Variants in EXT2 observed in about 807,000 individuals in gnomAD.
The protein encoded by EXT2 is exostosin glycosyltransferase 2, also known as exostosin-2.
Under a neutral mutation model 81.6 loss-of-function variants are expected in EXT2, and 53 were observed. The ratio of observed to expected loss-of-function variants is 0.65; its 90% CI spans 0.52 to 0.82. EXT2 has a LOEUF of 0.82. Ranked by LOEUF, EXT2 falls within the 40% of genes least tolerant of loss-of-function variation. The probability of loss-of-function intolerance (pLI) is 0.00; values close to 1 mark genes in which losing one functional copy is unlikely to be tolerated. For synonymous variants in EXT2, 320 were observed against 340.0 expected (o/e 0.94, Z 0.65); for missense variants, 774 against 910.2 (o/e 0.85, Z 1.93).
At chr11:44,109,420 C>A in intron 3 of EXT2, 137 bp downstream of exon 3, 2 of 859,804 alleles carry the variant, frequency 2.3e-6, no homozygotes, top group Non-Finnish European at 3.8e-6. Context: ...AAGTATTTTC[C>A]TCCTGAAGAT....
rs1239224531 is a variant in EXT2, at chr11:44,119,149, T to C, written c.743+4848T>C. Among the ~76,000 whole-genome samples the C allele has an allele frequency of 8.9e-4, 47 of 52,954 alleles. 4 individuals are homozygous for C. The highest frequency in any genetic ancestry group is 1.8e-3 in the East Asian group (2 of 1,108). The allele number at this position is 52,954 out of a possible 152,430, so 34.7% of individuals were successfully genotyped here. On this transcript the variant is annotated intron_variant, in intron 4 of 13. Coordinates refer to ENST00000533608, the MANE Select transcript of EXT2 (RefSeq NM_207122.2). ...TTATATATATATATATATATATATATATATATATATATATATATATACACA... is the reference window on the plus strand; with the variant it reads ...TTATATATATATATATATATATATACATATATATATATATATATATACACA...
chr11:44,164,913 C>T (rs898462189), intron 7 of EXT2, among the ~76,000 whole-genome samples: 1 of 145,334 alleles, frequency 6.9e-6, no homozygotes, highest in African/African-American at 2.6e-5. Flanking sequence ...GAGTCTCGCT[C>T]TGTCGCCCAG....
At chr11:44,118,146 C>T (rs1468817774) in intron 4 of EXT2, among the ~76,000 whole-genome samples, 9 of 152,168 alleles carry the variant, frequency 5.9e-5, no homozygotes, top group Admixed American at 5.9e-4. Flanking sequence ...TAATAACATT[C>T]AGATTAACAT....
chr11:44,107,178 T>C (rs1017772177), intron 1 of EXT2, among the ~76,000 whole-genome samples: 1 of 151,656 alleles, frequency 6.6e-6, no homozygotes, highest in Non-Finnish European at 1.5e-5. Flanking sequence ...CAGTATTAAA[T>C]ATTAAATACA....
In EXT2 at chr11:44,109,102, T is replaced by C; in HGVS notation, c.537-92T>C. ...ACCTGAGAAGCGGCCCTATTTGGGC[T>C]TGGGGATCCTTGATAGTTGTTGTCT... is the stretch of plus-strand genomic sequence containing the variant. On this transcript the variant is annotated intron_variant, in intron 2 of 13. Coordinates refer to ENST00000533608, the MANE Select transcript of EXT2 (RefSeq NM_207122.2). 3.6e-6 allele frequency: 5 copies of C among 1,388,260 alleles called. No individual in the cohort carries two copies. The South Asian group carries it at 4.7e-5, about 13-fold the overall frequency. The allele number at this position is 1,388,260 out of a possible 1,614,324, so 86.0% of individuals were successfully genotyped here.
intron 5 of EXT2, among the ~76,000 whole-genome samples, chr11:44,125,437 G>T: frequency 6.6e-6 from 1 of 152,072 alleles, no homozygotes; most frequent in Non-Finnish European, 1.5e-5. Context: ...TGATTGTTTT[G>T]CTATTTGGAG....
chr11:44,187,576 AGAAGT>A (rs1012456935), intron 8 of EXT2, among the ~76,000 whole-genome samples: 1 of 152,192 alleles, frequency 6.6e-6, no homozygotes, highest in African/African-American at 2.4e-5. Context: ...TGGAGCTATG[AGAAGT>A]GAAGTGTTGA....
intron 8 of EXT2, among the ~76,000 whole-genome samples, chr11:44,186,357 A>G (rs536249563): frequency 9.5e-4 from 144 of 152,340 alleles, no homozygotes; most frequent in African/African-American, 3.3e-3. Flanking sequence ...TTCTTTTAAT[A>G]TGGCTTATGT....
At chr11:44,132,726 A>G (rs1954511114) in intron 7 of EXT2, among the ~76,000 whole-genome samples, 1 of 152,204 alleles carries the variant, frequency 6.6e-6, no homozygotes, top group African/African-American at 2.4e-5. Context: ...CAGCTTAAAA[A>G]GAAAGGTGGT....
At chr11:44,168,958 T>C (rs1955032952) in intron 7 of EXT2, among the ~76,000 whole-genome samples, 1 of 152,112 alleles carries the variant, frequency 6.6e-6, no homozygotes, top group Non-Finnish European at 1.5e-5. Context: ...GCGGTGGCTC[T>C]TGCTTGTAAT....
intron 8 of EXT2, among the ~76,000 whole-genome samples, chr11:44,178,410 TA>T: frequency 6.6e-6 from 1 of 152,252 alleles, no homozygotes; most frequent in South Asian, 2.1e-4. Flanking sequence ...TTCCTCCTCT[TA>T]ACCCTGCGGG....
intron 10 of EXT2, among the ~76,000 whole-genome samples, chr11:44,224,342 A>T (rs1400611943): frequency 1.3e-5 from 2 of 151,842 alleles, no homozygotes; most frequent in African/African-American, 4.8e-5. Context: ...ATATCTGGAG[A>T]TCTATCTATC....
intron 7 of EXT2, among the ~76,000 whole-genome samples, chr11:44,165,649 T>A (rs947943560): frequency 6.6e-6 from 1 of 152,232 alleles, no homozygotes; most frequent in African/African-American, 2.4e-5. Flanking sequence ...TGTGATTATA[T>A]GTGAGCATAA....
chr11:44,109,337 A>T (rs1426360182), intron 3 of EXT2, 54 bp downstream of exon 3: 1 of 1,422,272 alleles, frequency 7.0e-7, no homozygotes, highest in African/African-American at 1.4e-5. Flanking sequence ...CATTTTGTTC[A>T]TGTGAAATTA....
chr11:44,239,595 G>A (rs1956011141), intron 13 of EXT2, among the ~76,000 whole-genome samples: 1 of 149,854 alleles, frequency 6.7e-6, no homozygotes, highest in Admixed American at 6.7e-5. Context: ...GTTTCACCAT[G>A]TTGGCCAGGA....
In EXT2 at chr11:44,220,539, G is replaced by A. The variant is rs887989518; in HGVS notation, c.1663-11814G>A. Among the ~76,000 whole-genome samples, 15 of 152,192 alleles carry A rather than the reference G, an allele frequency of 9.9e-5. No homozygotes were observed. Among genetic ancestry groups the A allele is most frequent in the Admixed American group, 2.6e-4 (4 of 15,278 alleles). On this transcript the variant is annotated intron_variant, in intron 10 of 13. Coordinates refer to ENST00000533608, the MANE Select transcript of EXT2 (RefSeq NM_207122.2). This position sits in a 1 kb window ranked among gnomAD's most constrained non-coding sequence, Gnocchi z 4.4. The stretch of plus-strand genomic sequence containing the variant: ...TTTCTGTGAGTGTTCCCACCTGTCA[G>A]GTACAGTTAGAGCTTCCCAAAAGAG...
chr11:44,242,558 C>G (rs1346088921), intron 13 of EXT2, among the ~76,000 whole-genome samples: 1 of 152,160 alleles, frequency 6.6e-6, no homozygotes, highest in Non-Finnish European at 1.5e-5. Flanking sequence ...CCCCTGGGTC[C>G]TTGGGCAAGT....
chr11:44,098,552 G>T (rs1010786834), intron 1 of EXT2, among the ~76,000 whole-genome samples: 1 of 151,964 alleles, frequency 6.6e-6, no homozygotes, highest in African/African-American at 2.4e-5. Flanking sequence ...AAAATTAGCC[G>T]GGGATGGTGG....
chr11:44,154,025 A>G (rs1322684749), intron 7 of EXT2, among the ~76,000 whole-genome samples: 1 of 151,312 alleles, frequency 6.6e-6, no homozygotes, highest in Non-Finnish European at 1.5e-5. Context: ...CATAGTAGGT[A>G]TATATATTTA....
Sources: allele counts gnomAD v4.1 joint callset (sites outside exome capture counted in the v4.1 genomes callset), GRCh38; gene constraint gnomAD v4.1.1; non-coding constraint Gnocchi (gnomAD v3.1); transcripts MANE v1.5; gene names NCBI Gene and HGNC (gene_info 2026-07-23, HGNC 2026-07-21).